Variants in ELL observed in about 807,000 individuals in gnomAD.
The protein encoded by ELL is elongation factor for RNA polymerase II, also known as RNA polymerase II elongation factor ELL.
In ELL, 18 loss-of-function variants were observed where a neutral mutation model predicts 64.0. That is an observed-to-expected ratio of 0.28 (90% CI 0.19 to 0.42). ELL has a LOEUF of 0.42. Among genes scored for constraint, ELL ranks in the 10% least tolerant of loss-of-function variants. ELL has a pLI of 1.00. For synonymous variants in ELL, 399 were observed against 376.2 expected (o/e 1.06, Z -0.70); for missense variants, 797 against 870.4 (o/e 0.92, Z 1.06).
Position 18,461,674 on chromosome 19 carries a change from T to C in ELL, c.648A>G (p.Ala216=). 1 of 1,613,312 alleles carries C rather than the reference T, an allele frequency of 6.2e-7. No homozygotes were observed. Among genetic ancestry groups the C allele is most frequent in the Non-Finnish European group, 8.5e-7 (1 of 1,179,960 alleles). ...PFRDRVLHLL[A]LRPYRKAELL... ...GCTCAGCCTTGCGGTAGGGCCGTAG[T>C]GCCAGGAGGTGCAGCACTCGGTCAC... The change falls in exon 5 of 12, where the codon GCA becomes GCG. Residue 216 remains alanine (A), a synonymous_variant. Transcript: ENST00000262809.
chr19:18,497,137 T>C (rs983913908), intron 1 of ELL, among the ~76,000 whole-genome samples: 5 of 152,234 alleles, frequency 3.3e-5, no homozygotes, highest in African/African-American at 1.2e-4. Flanking sequence ...GCAAACAAGA[T>C]GTCCTTCAGT....
At chr19:18,448,153 C>T (rs909523885) in intron 8 of ELL, 1 of 150,132 alleles carries the variant, frequency 6.7e-6, no homozygotes, top group Admixed American at 6.7e-5. Context: ...CTAGGCTGGT[C>T]TTGAACTCCT....
intron 6 of ELL, among the ~76,000 whole-genome samples, chr19:18,454,445 G>A (rs1974611190): frequency 6.6e-6 from 1 of 152,128 alleles, no homozygotes; most frequent in South Asian, 2.1e-4. Flanking sequence ...CTAGCAGTGA[G>A]CCGAGATCGC....
At chr19:18,479,707 T>C (rs369215206) in intron 1 of ELL, among the ~76,000 whole-genome samples, 4 of 39,194 alleles carry the variant, frequency 1.0e-4, no homozygotes, top group African/African-American at 8.4e-4. Flanking sequence ...AGACTCCATC[T>C]CAAAAAAAAA....
At chr19:18,509,452 A>G (rs1975950467) in intron 1 of ELL, among the ~76,000 whole-genome samples, 1 of 152,080 alleles carries the variant, frequency 6.6e-6, no homozygotes, top group South Asian at 2.1e-4. Context: ...AAGAAGGGCA[A>G]TGTGATGGGG....
chr19:18,462,364 T>C (rs1406757291), intron 4 of ELL, among the ~76,000 whole-genome samples: 1 of 49,140 alleles, frequency 2.0e-5, no homozygotes, highest in African/African-American at 1.7e-4. Flanking sequence ...TGTGTGTGTG[T>C]TTGGGCGGGG....
chr19:18,473,765 T>C (rs1003962546), intron 1 of ELL, among the ~76,000 whole-genome samples: 8 of 152,126 alleles, frequency 5.3e-5, no homozygotes, highest in Non-Finnish European at 1.0e-4. Context: ...CCCCACAGCA[T>C]AGCCCTGGCT....
Position 18,461,594 on chromosome 19 carries a change from T to C in ELL, c.728A>G (p.Asp243Gly), listed in dbSNP as rs758340168. 2.5e-6 allele frequency: 4 copies of C among 1,601,906 alleles called. No individual in the cohort carries two copies. The Admixed American group carries it at 5.0e-5, about 20-fold the overall frequency. ...GLTQADKDAL[D>G]GLLQQVANMS... ...GGCACCCACCTGCTGGAGGAGGCCA[T>C]CCAGCGCGTCCTTGTCCGCCTGCGT... Residue 243 changes from aspartate to glycine, a missense_variant, in exon 5 of 12, where the codon GAT becomes GGT. Physicochemically the swap from Asp to Gly is moderately conservative, Grantham distance 94 (BLOSUM62 -1). Transcript: ENST00000262809.
At chr19:18,508,189 C>T (rs1975925926) in intron 1 of ELL, among the ~76,000 whole-genome samples, 1 of 152,134 alleles carries the variant, frequency 6.6e-6, no homozygotes, top group Non-Finnish European at 1.5e-5. Flanking sequence ...TGGCTCACGC[C>T]TATAGCACTT....
At chr19:18,448,066 A>G (rs8111708) in intron 8 of ELL, among the ~76,000 whole-genome samples, 59,691 of 151,482 alleles carry the variant, frequency 0.39, 12,140 homozygotes, top group African/African-American at 0.51. Context: ...GATTAAAGGC[A>G]TGAACCACCA....
chr19:18,479,934 A>G (rs1416493046), intron 1 of ELL, among the ~76,000 whole-genome samples: 1 of 152,104 alleles, frequency 6.6e-6, no homozygotes, highest in Non-Finnish European at 1.5e-5. Context: ...ACCCTCCAGA[A>G]GCACCCACTC....
rs1003762374 is a variant in ELL, at chr19:18,445,321, A to G, written c.1705-53T>C. ...ACAGAATGTGTCCCCGCCTACAGGA[A>G]ACCCAAATTGAGTGGTCCCAGGTGC... On this transcript the variant is annotated intron_variant, in intron 10 of 11. Transcript: ENST00000262809. 5.8e-5 allele frequency: 93 copies of G among 1,597,622 alleles called. No individual in the cohort carries two copies. In the Middle Eastern group the frequency reaches 1.3e-3, roughly 23 times the overall value.
At chr19:18,462,355 GTGTGTGTGTT>G in intron 4 of ELL, among the ~76,000 whole-genome samples, 1 of 95,456 alleles carries the variant, frequency 1.0e-5, no homozygotes, top group Non-Finnish European at 1.9e-5. Context: ...GTGTGTGTGT[GTGTGTGTGTT>G]TGGGCGGGGG....
At chr19:18,456,588 C>G (rs569011483) in intron 6 of ELL, among the ~76,000 whole-genome samples, 1 of 152,240 alleles carries the variant, frequency 6.6e-6, no homozygotes, top group East Asian at 1.9e-4. Context: ...GTAAGGGCAC[C>G]AGGCAGTGTG....
intron 4 of ELL, among the ~76,000 whole-genome samples, chr19:18,462,686 G>A (rs1431589309): frequency 6.6e-6 from 1 of 152,128 alleles, no homozygotes; most frequent in Non-Finnish European, 1.5e-5. Context: ...CCAACCTGAG[G>A]CAGGGGCTGT....
At chr19:18,458,888 A>G (rs753377472) in intron 5 of ELL, among the ~76,000 whole-genome samples, 1 of 151,842 alleles carries the variant, frequency 6.6e-6, no homozygotes, top group Non-Finnish European at 1.5e-5. Context: ...CAGCCTCCCA[A>G]TGTGCTGGGA....
Position 18,509,608 on chromosome 19 carries a change from C to T in ELL, c.135+12313G>A, listed in dbSNP as rs1312032152. Among the ~76,000 whole-genome samples, 91 of 51,684 alleles carry T rather than the reference C, an allele frequency of 1.8e-3. 4 individuals carry two copies. Among genetic ancestry groups the T allele is most frequent in the Middle Eastern group, 0.018 (2 of 110 alleles). The allele number at this position is 51,684 out of a possible 152,430, so 33.9% of individuals were successfully genotyped here. A position where few individuals can be genotyped will look rare whatever the true frequency, so the allele number is the denominator to read the frequency against. On this transcript the variant is annotated intron_variant, in intron 1 of 11. Coordinates refer to ENST00000262809, the MANE Select transcript of ELL (RefSeq NM_006532.4). Reference sequence around the variant, plus strand: ...GCGCGCGCGCGCACATACACACACACACACACACACACACACACACACACA... The same window carrying T: ...GCGCGCGCGCGCACATACACACACATACACACACACACACACACACACACA...
Position 18,458,240 on chromosome 19 carries a change from C to T in ELL, c.834G>A (p.Glu278=), listed in dbSNP as rs1201286517. The change falls in exon 6 of 12, where the codon GAG becomes GAA. Residue 278 remains glutamate (E), a synonymous_variant. Coordinates refer to ENST00000262809, the MANE Select transcript of ELL (RefSeq NM_006532.4). ...CCCGCTTCAGCAGCTGCTGGTCCCCCTCCGAGTAGCCAGGCCAGTCCTTCT... is the reference window on the plus strand; with the variant it reads ...CCCGCTTCAGCAGCTGCTGGTCCCCTTCCGAGTAGCCAGGCCAGTCCTTCT... The part of the protein sequence containing the change: ...DVQKDWPGYS[E]GDQQLLKRVL... 3.1e-6 allele frequency: 5 copies of T among 1,612,290 alleles called. No individual in the cohort carries two copies. The Admixed American group carries it at 5.0e-5, about 16-fold the overall frequency.
chr19:18,457,457 C>T (rs1159095367), intron 6 of ELL, among the ~76,000 whole-genome samples: 1 of 152,218 alleles, frequency 6.6e-6, no homozygotes, highest in African/African-American at 2.4e-5. Flanking sequence ...GCAGGCACTA[C>T]CCTCTCAGGG....
Sources: allele counts gnomAD v4.1 joint callset (sites outside exome capture counted in the v4.1 genomes callset), GRCh38; gene constraint gnomAD v4.1.1; transcripts MANE v1.5; gene names NCBI Gene and HGNC (gene_info 2026-07-23, HGNC 2026-07-21).